TCF12: variants seen among roughly 807,000 people sequenced by gnomAD.
The protein encoded by TCF12 is transcription factor 12.
Under a neutral mutation model 86.0 loss-of-function variants are expected in TCF12, and 45 were observed. That is an observed-to-expected ratio of 0.52 (90% CI 0.41 to 0.67). The LOEUF (loss-of-function observed/expected upper bound fraction) is 0.67. TCF12 is among the 30% of genes least tolerant of loss of function. The pLI is 0.00. For synonymous variants in TCF12, 330 were observed against 299.6 expected (o/e 1.10, Z -1.05); for missense variants, 881 against 859.9 (o/e 1.02, Z -0.31).
chr15:57,275,397 G>C (rs1021473993), intron 19 of TCF12, among the ~76,000 whole-genome samples: 3 of 147,108 alleles, frequency 2.0e-5, no homozygotes, highest in Non-Finnish European at 3.0e-5. Context: ...GTGTTGCCCA[G>C]GCTGGTCTTG....
At chr15:57,208,701 A>G (rs959488184) in intron 8 of TCF12, among the ~76,000 whole-genome samples, 1 of 149,836 alleles carries the variant, frequency 6.7e-6, no homozygotes, top group Non-Finnish European at 1.5e-5. Flanking sequence ...GAAAGAACTT[A>G]AAAAAAAATT....
At chr15:57,119,458 CT>C (rs137914038) in intron 5 of TCF12, among the ~76,000 whole-genome samples, 1,593 of 139,028 alleles carry the variant, frequency 0.011, 30 homozygotes, top group African/African-American at 0.035. Flanking sequence ...CGGTCCACAG[CT>C]TTTTTTTTTT....
At chr15:57,055,605 A>G (rs1454916586) in intron 3 of TCF12, among the ~76,000 whole-genome samples, 1 of 152,150 alleles carries the variant, frequency 6.6e-6, no homozygotes, top group Non-Finnish European at 1.5e-5. Context: ...CAAGCACTTT[A>G]AAGATTTTTT....
chr15:57,091,689 C>G (rs2049001685), intron 4 of TCF12, 100 bp from the exon 5 acceptor site: 6 of 671,932 alleles, frequency 8.9e-6, no homozygotes, highest in Admixed American at 7.8e-5. Flanking sequence ...CAGAAATGAC[C>G]ATGTGTAAGT....
chr15:57,126,282 C>T (rs920733339), intron 5 of TCF12, among the ~76,000 whole-genome samples: 12 of 152,148 alleles, frequency 7.9e-5, no homozygotes, highest in African/African-American at 2.4e-4. Context: ...GAGACCTCAA[C>T]AGTCCATAGT....
At chr15:57,204,716 T>C (rs1405295924) in intron 8 of TCF12, among the ~76,000 whole-genome samples, 1 of 151,600 alleles carries the variant, frequency 6.6e-6, no homozygotes, top group African/African-American at 2.4e-5. Flanking sequence ...ATAAGAATAT[T>C]CAAAAGAAAA....
intron 3 of TCF12, among the ~76,000 whole-genome samples, chr15:57,028,826 T>G (rs1054303141): frequency 5.9e-5 from 9 of 152,140 alleles, no homozygotes; most frequent in Non-Finnish European, 8.8e-5. Flanking sequence ...TTGGAGGCAG[T>G]CTCACTGTGT....
In TCF12 at chr15:57,007,812, TTCTTTCTTTTTCTTTCTTTCTTTCTTTC is replaced by T. The variant is rs1567241966; in HGVS notation, c.149-55934_149-55907del. ...TTTCTCTCTTTCTTTCTTTCTTTCTTTCTTTCTTTTTCTTTCTTTCTTTCTTTCTCTCTTTCCCTCCCTTCCTTCCTTC... is the reference window on the plus strand; with the variant it reads ...TTTCTCTCTTTCTTTCTTTCTTTCTTTCTCTTTCCCTCCCTTCCTTCCTTC... On this transcript the variant is annotated intron_variant, in intron 3 of 20. Transcript: ENST00000333725. Among the ~76,000 whole-genome samples, 4 of 134,726 alleles carry T rather than the reference TTCTTTCTTTTTCTTTCTTTCTTTCTTTC, an allele frequency of 3.0e-5. No individual in the cohort carries two copies. In the South Asian group the frequency reaches 7.6e-4, roughly 25 times the overall value. 88.4% of individuals were successfully genotyped at this position (134,726 alleles called of 152,430 possible). A position where few individuals can be genotyped will look rare whatever the true frequency, so the allele number is the denominator to read the frequency against.
At chr15:57,000,297 C>T (rs2063948370) in intron 3 of TCF12, among the ~76,000 whole-genome samples, 4 of 151,868 alleles carry the variant, frequency 2.6e-5, no homozygotes, top group Middle Eastern at 6.9e-3. Flanking sequence ...GCCTTGGCTT[C>T]CCAAAGTGGT....
intron 18 of TCF12, among the ~76,000 whole-genome samples, chr15:57,263,595 G>A (rs997504480): frequency 2.6e-5 from 4 of 151,884 alleles, no homozygotes; most frequent in Non-Finnish European, 5.9e-5. Context: ...TAAATCATGT[G>A]GTACGGACAT....
At chr15:57,281,915 C>T (rs1354236258) in intron 19 of TCF12, 2 of 169,168 alleles carry the variant, frequency 1.2e-5, no homozygotes, top group Non-Finnish European at 2.5e-5. Flanking sequence ...CCCAGCCCCC[C>T]GCACCCAGTT....
chr15:57,131,792 A>G (rs1182986976), intron 5 of TCF12, among the ~76,000 whole-genome samples: 3 of 152,318 alleles, frequency 2.0e-5, no homozygotes, highest in Middle Eastern at 3.4e-3. Flanking sequence ...AATAAATTGA[A>G]CTCATTGTTA....
At chr15:57,178,533 C>T (rs2056117518) in intron 6 of TCF12, among the ~76,000 whole-genome samples, 1 of 152,140 alleles carries the variant, frequency 6.6e-6, no homozygotes, top group African/African-American at 2.4e-5. Context: ...AATAGTAGTG[C>T]TACTTAACAC....
chr15:57,111,977 C>T (rs2050525280), intron 5 of TCF12, among the ~76,000 whole-genome samples: 1 of 152,142 alleles, frequency 6.6e-6, no homozygotes, highest in African/African-American at 2.4e-5. Context: ...TGCTAAGCCC[C>T]CTCTCCACTT....
chr15:57,182,917 A>G (rs986581971), intron 6 of TCF12, among the ~76,000 whole-genome samples: 3 of 152,168 alleles, frequency 2.0e-5, no homozygotes, highest in African/African-American at 7.2e-5. Context: ...CAAGTTAACA[A>G]TCTTAGAAAT....
intron 5 of TCF12, among the ~76,000 whole-genome samples, chr15:57,136,856 G>T (rs951243470): frequency 6.7e-6 from 1 of 149,848 alleles, no homozygotes; most frequent in Non-Finnish European, 1.5e-5. Context: ...TTCCCATGTC[G>T]CCCAGGCTGG....
At chr15:56,922,526 T>A (rs1426432914) in intron 3 of TCF12, among the ~76,000 whole-genome samples, 1 of 152,024 alleles carries the variant, frequency 6.6e-6, no homozygotes, top group Non-Finnish European at 1.5e-5. Context: ...AAGCATGGCA[T>A]TGGAGCAATT....
rs750014287 is a variant in TCF12, at chr15:57,286,670, T to A, written c.*525T>A. ...GCCCTTAGCATTCCCGGCATACCTA[T>A]TAGTGTCTTAAAAAGGAAGGGAAAA... On this transcript the variant is annotated 3_prime_UTR_variant, in exon 21 of 21. Coordinates refer to ENST00000333725, the MANE Select transcript of TCF12 (RefSeq NM_207037.2). The A allele has an allele frequency of 4.4e-6, 2 of 456,694 alleles. No homozygotes were observed. The highest frequency in any genetic ancestry group is 3.1e-5 in the South Asian group (2 of 64,556). 28.3% of individuals were successfully genotyped at this position (456,694 alleles called of 1,614,324 possible).
At chr15:56,921,002 A>G (rs1258264254) in intron 2 of TCF12, 24 bp from the exon 3 acceptor site, 1 of 1,568,484 alleles carries the variant, frequency 6.4e-7, no homozygotes, top group African/African-American at 1.4e-5. Flanking sequence ...CAGGACTAAC[A>G]GATATATTTG....
Sources: allele counts gnomAD v4.1 joint callset (sites outside exome capture counted in the v4.1 genomes callset), GRCh38; gene constraint gnomAD v4.1.1; transcripts MANE v1.5; gene names NCBI Gene and HGNC (gene_info 2026-07-23, HGNC 2026-07-21).